The following VPS36 variants were observed in gnomAD, a reference collection of about 807,000 sequenced individuals.
The protein encoded by VPS36 is vacuolar protein sorting 36 homolog.
Under a neutral mutation model 63.5 loss-of-function variants are expected in VPS36, and 31 were observed. The ratio of observed to expected loss-of-function variants is 0.49; its 90% CI spans 0.37 to 0.66. The LOEUF (loss-of-function observed/expected upper bound fraction) is 0.66. Ranked by LOEUF, VPS36 falls within the 30% of genes least tolerant of loss-of-function variation. The pLI is 0.00. For synonymous variants in VPS36, 138 were observed against 157.2 expected, an observed-to-expected ratio of 0.88 and a Z score of 0.91; for missense variants, 338 against 463.7, an observed-to-expected ratio of 0.73 and a Z score of 2.49.
intron 5 of VPS36, 150 bp downstream of exon 5, chr13:52,434,643 C>A (rs1958194655): frequency 2.6e-6 from 2 of 779,794 alleles, no homozygotes; most frequent in East Asian, 5.4e-5. Flanking sequence ...CAGGCGTGAG[C>A]CACCGCGCCC....
At chr13:52,445,262 T>A (rs1490619027) in intron 1 of VPS36, among the ~76,000 whole-genome samples, 1 of 152,222 alleles carries the variant, frequency 6.6e-6, no homozygotes, top group Non-Finnish European at 1.5e-5. Flanking sequence ...ACCAAATAAC[T>A]AAGTTTACAA....
chr13:52,424,776 A>T (rs1014967131), intron 9 of VPS36, among the ~76,000 whole-genome samples: 1 of 152,206 alleles, frequency 6.6e-6, no homozygotes, highest in Non-Finnish European at 1.5e-5. Flanking sequence ...AGCTGAGGTC[A>T]GGAGTTCGAG....
chr13:52,433,904 T>C (rs1218352135), intron 5 of VPS36, among the ~76,000 whole-genome samples, 156 bp from the exon 6 acceptor site: 3 of 152,186 alleles, frequency 2.0e-5, no homozygotes, highest in South Asian at 2.1e-4. Flanking sequence ...CTTCAAAACA[T>C]GTGTTTGTTT....
Position 52,450,482 on chromosome 13 carries a change from G to T in VPS36, c.96+17C>A. ...TCCCTTCCGCCAGCCCGTTGGGAAGGTTGGCAGACGCCCTACCTTCTCCTC... is the reference window on the plus strand; with the variant it reads ...TCCCTTCCGCCAGCCCGTTGGGAAGTTTGGCAGACGCCCTACCTTCTCCTC... On this transcript the variant is annotated intron_variant, in intron 1 of 13. Transcript: ENST00000378060. 1.3e-6 allele frequency: 2 copies of T among 1,585,190 alleles called. No individual in the cohort carries two copies. Among genetic ancestry groups the T allele is most frequent in the Admixed American group, 1.7e-5 (1 of 57,236 alleles).
intron 8 of VPS36, among the ~76,000 whole-genome samples, chr13:52,426,535 G>A (rs1490218672): frequency 6.6e-6 from 1 of 152,116 alleles, no homozygotes; most frequent in Non-Finnish European, 1.5e-5. Context: ...TAATTTTTAC[G>A]GTTGACTTTT....
At chr13:52,434,728 T>C in intron 5 of VPS36, 65 bp downstream of exon 5, 1 of 1,425,084 alleles carries the variant, frequency 7.0e-7, no homozygotes, top group East Asian at 2.3e-5. Flanking sequence ...CACAGAGTCT[T>C]TTTCTTAATG....
At chr13:52,437,995 T>A (rs930082354) in intron 3 of VPS36, among the ~76,000 whole-genome samples, 17 of 152,036 alleles carry the variant, frequency 1.1e-4, no homozygotes, top group Admixed American at 7.9e-4. Flanking sequence ...AACGTACACA[T>A]CTTGAAATCA....
At chr13:52,446,359 T>C (rs1958343754) in intron 1 of VPS36, among the ~76,000 whole-genome samples, 1 of 152,040 alleles carries the variant, frequency 6.6e-6, no homozygotes, top group Non-Finnish European at 1.5e-5. Flanking sequence ...TCCAAGCACA[T>C]ACATGTTAAT....
At chr13:52,436,508 T>G in intron 3 of VPS36, 104 bp from the exon 4 acceptor site, 1 of 825,126 alleles carries the variant, frequency 1.2e-6, no homozygotes. Flanking sequence ...TTAAAATTCA[T>G]GTAGAAACAA....
chr13:52,449,605 G>T (rs1206820014), intron 1 of VPS36, among the ~76,000 whole-genome samples: 1 of 152,192 alleles, frequency 6.6e-6, no homozygotes, highest in Non-Finnish European at 1.5e-5. Flanking sequence ...GGGAAGAGAG[G>T]TAGCAAATTA....
chr13:52,415,859 A>G lies in VPS36; in HGVS notation c.1132T>C (p.Tyr378His). 1.2e-6 allele frequency: 2 copies of G among 1,614,172 alleles called. No homozygotes were observed. Among genetic ancestry groups the G allele is most frequent in the Non-Finnish European group, 8.5e-7 (1 of 1,180,002 alleles). Reference protein sequence around the residue: ...RDDSVEGLRFYPNLFMTQS With the variant: ...RDDSVEGLRFHPNLFMTQS ...CTCTGTGTCATAAATAAATTTGGGT[A>G]AAAACGCAGGCCTTCCACTGAGTCA... Residue 378 changes from tyrosine (Y) to histidine (H), a missense_variant, in exon 14 of 14, where the codon TAC becomes CAC. By Grantham distance (83) the Tyr-to-His change is moderately conservative. Coordinates refer to ENST00000378060, the MANE Select transcript of VPS36 (RefSeq NM_016075.4).
At chr13:52,422,829 GC>G (rs1268673650) in intron 10 of VPS36, among the ~76,000 whole-genome samples, 16 of 152,248 alleles carry the variant, frequency 1.1e-4, no homozygotes, top group South Asian at 2.1e-4. Flanking sequence ...TATCTTAATT[GC>G]CCTGTGATAT....
At chr13:52,424,714 G>T (rs1047702592) in intron 9 of VPS36, among the ~76,000 whole-genome samples, 1 of 152,166 alleles carries the variant, frequency 6.6e-6, no homozygotes, top group East Asian at 1.9e-4. Context: ...AGGCCGGCAC[G>T]GTGGCTCACA....
chr13:52,430,161 A>G (rs1278849415), intron 6 of VPS36, among the ~76,000 whole-genome samples: 2 of 152,234 alleles, frequency 1.3e-5, no homozygotes, highest in Non-Finnish European at 2.9e-5. Context: ...ACTAGACATT[A>G]GTGAATAAAC....
At chr13:52,450,433 G>C (rs565578513) in intron 1 of VPS36, 66 bp downstream of exon 1, 2 of 1,493,634 alleles carry the variant, frequency 1.3e-6, no homozygotes, top group South Asian at 1.2e-5. Context: ...GCCGCGCTGA[G>C]CCGGGCCGCG....
chr13:52,416,211 G>T (rs571343226), intron 12 of VPS36, 118 bp from the exon 13 acceptor site: 47 of 945,878 alleles, frequency 5.0e-5, no homozygotes, highest in Non-Finnish European at 7.1e-5. Flanking sequence ...ATAATTTACT[G>T]AATGTCCTAC....
At chr13:52,435,646 T>C (rs1958208496) in intron 4 of VPS36, among the ~76,000 whole-genome samples, 1 of 152,172 alleles carries the variant, frequency 6.6e-6, no homozygotes, top group Non-Finnish European at 1.5e-5. Context: ...TCACAAATAA[T>C]CAAATATATT....
intron 8 of VPS36, 52 bp from the exon 9 acceptor site, chr13:52,426,118 G>A: frequency 6.3e-7 from 1 of 1,593,070 alleles, no homozygotes; most frequent in East Asian, 2.2e-5. Context: ...CTCAATATTT[G>A]AAATTCTTCC....
In VPS36 at chr13:52,434,850, T is replaced by C. The variant is rs753680815; in HGVS notation, c.384A>G (p.Gln128=). The C allele has an allele frequency of 6.2e-7, 1 of 1,614,098 alleles. No individual in the cohort carries two copies. The highest frequency in any genetic ancestry group is 8.5e-7 in the Non-Finnish European group (1 of 1,179,994). ...AAACTGGCATATTCTCCCATCTTCT[T>C]TGTGTCATTTCCTCTGATAAACGCC... ...FYRRLSEEMT[Q]RRWENMPVSQ... Residue 128 remains glutamine (Q), a synonymous_variant, in exon 5 of 14, where the codon CAA becomes CAG. Transcript: ENST00000378060.
Sources: allele counts gnomAD v4.1 joint callset (sites outside exome capture counted in the v4.1 genomes callset), GRCh38; gene constraint gnomAD v4.1.1; transcripts MANE v1.5; gene names NCBI Gene and HGNC (gene_info 2026-07-23, HGNC 2026-07-21).